The following TRAF3IP1 variants were observed in gnomAD, a reference collection of about 807,000 sequenced individuals.
The protein encoded by TRAF3IP1 is TRAF3-interacting protein 1.
TRAF3IP1 carries 53 observed loss-of-function variants against 89.9 expected under a neutral mutation model. That is an observed-to-expected ratio of 0.59 (90% CI 0.47 to 0.74). TRAF3IP1 has a LOEUF of 0.74. Among genes scored for constraint, TRAF3IP1 ranks in the 30% least tolerant of loss-of-function variants. The pLI is 0.00. For synonymous variants in TRAF3IP1, 311 were observed against 322.1 expected, an observed-to-expected ratio of 0.97 and a Z score of 0.37; for missense variants, 806 against 866.1, an observed-to-expected ratio of 0.93 and a Z score of 0.87.
intron 7 of TRAF3IP1, among the ~76,000 whole-genome samples, chr2:238,337,495 G>A (rs1451439091): frequency 6.6e-6 from 1 of 152,238 alleles, no homozygotes; most frequent in East Asian, 1.9e-4. Context: ...AGAGTTTTAA[G>A]CAGCACCGAG....
chr2:238,327,988 G>C (rs909209668), intron 3 of TRAF3IP1, among the ~76,000 whole-genome samples: 3 of 152,096 alleles, frequency 2.0e-5, no homozygotes, highest in Non-Finnish European at 4.4e-5. Flanking sequence ...CCACTCAACT[G>C]TCAATGGTAC....
intron 14 of TRAF3IP1, among the ~76,000 whole-genome samples, chr2:238,354,293 C>A (rs1699306557): frequency 6.6e-6 from 1 of 152,226 alleles, no homozygotes; most frequent in South Asian, 2.1e-4. Context: ...ATAACTGCCT[C>A]ATTTCTCCAA....
chr2:238,396,662 A>G (rs73090956), intron 15 of TRAF3IP1, among the ~76,000 whole-genome samples: 32 of 152,306 alleles, frequency 2.1e-4, no homozygotes, highest in African/African-American at 7.5e-4. Context: ...AGCTCATATG[A>G]AGAGAATTCT....
intron 10 of TRAF3IP1, 79 bp from the exon 11 acceptor site, chr2:238,348,685 C>A: frequency 8.0e-7 from 1 of 1,245,540 alleles, no homozygotes; most frequent in Non-Finnish European, 1.2e-6. Context: ...ACTGCAAATA[C>A]AGATGCAAAT....
chr2:238,348,012 G>C (rs1698975132), intron 10 of TRAF3IP1, among the ~76,000 whole-genome samples: 1 of 152,052 alleles, frequency 6.6e-6, no homozygotes, highest in Non-Finnish European at 1.5e-5. Flanking sequence ...AGAATATAAA[G>C]TATATTTCTA....
intron 15 of TRAF3IP1, among the ~76,000 whole-genome samples, chr2:238,373,727 A>G (rs545514423): frequency 3.3e-5 from 5 of 152,248 alleles, no homozygotes; most frequent in Admixed American, 2.6e-4. Flanking sequence ...TTTGGGCAGT[A>G]TGGCCATTTT....
intron 15 of TRAF3IP1, among the ~76,000 whole-genome samples, chr2:238,373,670 A>G (rs1409136285): frequency 1.3e-5 from 2 of 152,206 alleles, no homozygotes; most frequent in African/African-American, 2.4e-5. Context: ...TTCTGTGAAG[A>G]AAGTCTTTGG....
Position 238,348,783 on chromosome 2 carries a change from T to C in TRAF3IP1, c.1302T>C (p.Ala434=). The C allele has an allele frequency of 6.2e-7, 1 of 1,614,192 alleles. No individual in the cohort carries two copies. The highest frequency in any genetic ancestry group is 1.3e-5 in the African/African-American group (1 of 75,068). ...TSDAEGDAGP[A]GQDKSEVPET... ...GTTTAGAAGGAGATGCTGGACCTGC[T>C]GGCCAAGATAAGTCTGAGGTGCCAG... The change falls in exon 11 of 17, where the codon GCT becomes GCC. Residue 434 remains alanine, a synonymous_variant. Coordinates refer to ENST00000373327, the MANE Select transcript of TRAF3IP1 (RefSeq NM_015650.4).
At chr2:238,335,948 G>A (rs1304498574) in intron 7 of TRAF3IP1, among the ~76,000 whole-genome samples, 3 of 151,812 alleles carry the variant, frequency 2.0e-5, no homozygotes, top group Non-Finnish European at 4.4e-5. Flanking sequence ...ATGCCACCAC[G>A]CCCAGCTAAT....
chr2:238,328,107 G>A (rs1697928285), intron 3 of TRAF3IP1, among the ~76,000 whole-genome samples: 1 of 152,160 alleles, frequency 6.6e-6, no homozygotes, highest in Non-Finnish European at 1.5e-5. Flanking sequence ...TACCCAGAAG[G>A]GGAATTATTG....
At position 238,344,579 on chromosome 2, in the gene TRAF3IP1, C is replaced by T. The variant is rs1396703217; in HGVS notation, c.1242C>T (p.Asn414=). ...ASLRCENIQP[N]PTEKQKGDST... ...TGCGGTGTGAGAATATTCAGCCCAACCCCACAGAGAAGCAGAAAGGTAAGA... is the reference window on the plus strand; with the variant it reads ...TGCGGTGTGAGAATATTCAGCCCAATCCCACAGAGAAGCAGAAAGGTAAGA... The change falls in exon 9 of 17, where the codon AAC becomes AAT. Residue 414 remains asparagine (N), a synonymous_variant. Coordinates refer to ENST00000373327, the MANE Select transcript of TRAF3IP1 (RefSeq NM_015650.4). The T allele has an allele frequency of 6.2e-7, 1 of 1,614,128 alleles. No individual in the cohort carries two copies. Among genetic ancestry groups the T allele is most frequent in the African/African-American group, 1.3e-5 (1 of 75,044 alleles).
In TRAF3IP1 at chr2:238,379,272, G is replaced by A. The variant is rs1700450341; in HGVS notation, c.1690-18187G>A. Among the ~76,000 whole-genome samples, 1 of 152,132 alleles carries A rather than the reference G, an allele frequency of 6.6e-6. No homozygotes were observed. The highest frequency in any genetic ancestry group is 6.6e-5 in the Admixed American group (1 of 15,262). On this transcript the variant is annotated intron_variant, in intron 15 of 16. Transcript: ENST00000373327. The surrounding 1 kb of genome is among the most constrained non-coding windows in gnomAD (Gnocchi z 4.0). ...CCTTTCCTGTCCACCTAGCTGTGTG[G>A]GGCCTCAGCCGCACACTCACCATCT...
chr2:238,336,565 T>C (rs1012104637), intron 7 of TRAF3IP1, among the ~76,000 whole-genome samples: 3 of 152,122 alleles, frequency 2.0e-5, no homozygotes, highest in African/African-American at 7.2e-5. Context: ...CATTCTGGAA[T>C]CCCTGCAGAA....
Position 238,392,630 on chromosome 2 carries a change from T to C in TRAF3IP1, c.1690-4829T>C, listed in dbSNP as rs568514831. Among the ~76,000 whole-genome samples the C allele has an allele frequency of 3.3e-5, 5 of 152,160 alleles. No homozygotes were observed. In the East Asian group the frequency reaches 7.7e-4, roughly 24 times the overall value. ...TCTTGTTGCCCAGGCTGGAGTGCAA[T>C]GGCGTGATCTCGGCTCACTGCAACC... On this transcript the variant is annotated intron_variant, in intron 15 of 16. Transcript: ENST00000373327.
intron 15 of TRAF3IP1, among the ~76,000 whole-genome samples, chr2:238,394,292 A>G (rs562878115): frequency 5.9e-5 from 9 of 152,318 alleles, no homozygotes; most frequent in African/African-American, 1.4e-4. Flanking sequence ...CTTTCTGTAT[A>G]CATTTTAGGA....
In TRAF3IP1 at chr2:238,329,001, C is replaced by T. The variant is rs771700832; in HGVS notation, c.574C>T (p.Arg192Cys). ...RKQKEELKED[R>C]KPREKDKDKE... ...ACAGAAGGAAGAATTGAAAGAAGACCGCAAGCCAAGAGAAAAGGACAAGGA... is the reference window on the plus strand; with the variant it reads ...ACAGAAGGAAGAATTGAAAGAAGACTGCAAGCCAAGAGAAAAGGACAAGGA... Residue 192 changes from arginine (R) to cysteine (C), a missense_variant, in exon 5 of 17, where the codon CGC (arginine) becomes TGC (cysteine). This residue lies in a region of TRAF3IP1 where 732 missense variants were observed against 780.5 expected (regional missense o/e 0.94). Coordinates refer to ENST00000373327, the MANE Select transcript of TRAF3IP1 (RefSeq NM_015650.4). 30 of 1,550,986 alleles carry T rather than the reference C, an allele frequency of 1.9e-5. No individual in the cohort carries two copies. The highest frequency in any genetic ancestry group is 9.8e-5 in the East Asian group (4 of 40,904).
intron 15 of TRAF3IP1, among the ~76,000 whole-genome samples, chr2:238,396,265 A>G (rs1187907643): frequency 6.6e-6 from 1 of 151,906 alleles, no homozygotes; most frequent in Admixed American, 6.6e-5. Context: ...CATTCTCAGC[A>G]AACTGTCGCA....
At chr2:238,381,990 A>G (rs1700571513) in intron 15 of TRAF3IP1, among the ~76,000 whole-genome samples, 2 of 152,206 alleles carry the variant, frequency 1.3e-5, no homozygotes, top group Non-Finnish European at 2.9e-5. Flanking sequence ...GGATGTGATC[A>G]GAGGAACAAA....
intron 3 of TRAF3IP1, 136 bp downstream of exon 3, chr2:238,326,106 G>T (rs1310233777): frequency 2.6e-6 from 2 of 768,940 alleles, no homozygotes; most frequent in Non-Finnish European, 4.1e-6. Context: ...CTTTGAATCT[G>T]ATCCCACCCC....
Sources: gnomAD v4.1 joint callset for allele counts (sites outside exome capture counted in the v4.1 genomes callset) on GRCh38, gnomAD v4.1.1 for gene constraint, gnomAD v4.1.1 regional missense constraint, Gnocchi (gnomAD v3.1) non-coding constraint, MANE v1.5 for transcripts, NCBI Gene and HGNC (gene_info 2026-07-23, HGNC 2026-07-21) for gene names.